NCS1: variants seen among roughly 807,000 people sequenced by gnomAD.
NCS1 encodes the protein frequenin homolog.
Under a neutral mutation model 28.4 loss-of-function variants are expected in NCS1, and 6 were observed. The ratio of observed to expected loss-of-function variants is 0.21; its 90% CI spans 0.12 to 0.42. The LOEUF (loss-of-function observed/expected upper bound fraction) is 0.42. NCS1 is among the 10% of genes least tolerant of loss of function. NCS1 has a pLI of 1.00. For missense variants in NCS1, 131 were observed against 241.4 expected, an observed-to-expected ratio of 0.54 and a Z score of 3.03; for synonymous variants, 86 against 99.3, an observed-to-expected ratio of 0.87 and a Z score of 0.79.
chr9:130,217,479 G>A (rs1208970349), intron 2 of NCS1, among the ~76,000 whole-genome samples: 2 of 152,224 alleles, frequency 1.3e-5, no homozygotes, highest in African/African-American at 4.8e-5. Context: ...GCAGGCATGC[G>A]GCTTTGGGGA....
At chr9:130,227,685 C>T (rs1379582183) in intron 7 of NCS1, among the ~76,000 whole-genome samples, 1 of 152,204 alleles carries the variant, frequency 6.6e-6, no homozygotes, top group Non-Finnish European at 1.5e-5. Context: ...AAGTGTATCA[C>T]CCATTTTAAT....
intron 2 of NCS1, among the ~76,000 whole-genome samples, chr9:130,203,871 C>T (rs536665601): frequency 6.6e-6 from 1 of 152,174 alleles, no homozygotes; most frequent in South Asian, 2.1e-4. Context: ...CTGAGTTCCC[C>T]CCGGCGTCCT....
At chr9:130,190,435 C>T (rs1434244053) in intron 1 of NCS1, among the ~76,000 whole-genome samples, 1 of 152,182 alleles carries the variant, frequency 6.6e-6, no homozygotes, top group East Asian at 1.9e-4. Context: ...GGTTTTATCG[C>T]CCTTAGTTTT....
intron 5 of NCS1, 62 bp from the exon 6 acceptor site, chr9:130,223,020 C>A: frequency 2.1e-6 from 3 of 1,435,140 alleles, no homozygotes; most frequent in Non-Finnish European, 2.9e-6. Flanking sequence ...GGGGCAAATG[C>A]GTGGCCAAGA....
Position 130,234,731 on chromosome 9 carries a change from G to T in NCS1, c.*1759G>T, listed in dbSNP as rs1346347194. 6.6e-6 allele frequency: 1 copy of T among 152,320 alleles called. No homozygotes were observed. Among genetic ancestry groups the T allele is most frequent in the Non-Finnish European group, 1.5e-5 (1 of 68,152 alleles). The allele number at this position is 152,320 out of a possible 1,614,324, so 9.4% of individuals were successfully genotyped here. Reference sequence around the variant, plus strand: ...CAGTTCCAGCAGATGAATGTGTCATGTGGCACACCTTGTCCCTTCCCGCAG... The same window carrying T: ...CAGTTCCAGCAGATGAATGTGTCATTTGGCACACCTTGTCCCTTCCCGCAG... On this transcript the variant is annotated 3_prime_UTR_variant, in exon 8 of 8. Transcript: ENST00000372398. This position sits in a 1 kb window ranked among gnomAD's most constrained non-coding sequence, Gnocchi z 6.1.
Position 130,234,920 on chromosome 9 carries a change from T to C in NCS1, c.*1948T>C, listed in dbSNP as rs1182210847. ...GCAGAGTCAACAGCCCATCAGCCCA[T>C]GTTTTAGAGGGGACACTTTGGTCCT... On this transcript the variant is annotated 3_prime_UTR_variant, in exon 8 of 8. Transcript: ENST00000372398. This position sits in a 1 kb window ranked among gnomAD's most constrained non-coding sequence, Gnocchi z 6.1. The C allele has an allele frequency of 6.6e-6, 1 of 152,266 alleles. No individual in the cohort carries two copies. The highest frequency in any genetic ancestry group is 1.9e-4 in the East Asian group (1 of 5,174). 9.4% of individuals were successfully genotyped at this position (152,266 alleles called of 1,614,324 possible). A position where few individuals can be genotyped will look rare whatever the true frequency, so the allele number is the denominator to read the frequency against.
intron 2 of NCS1, 141 bp from the exon 3 acceptor site, chr9:130,217,691 A>G: frequency 4.0e-6 from 5 of 1,245,524 alleles, no homozygotes; most frequent in South Asian, 3.6e-5. Flanking sequence ...GCCTGTGCCT[A>G]TCAAGTCCAT....
At chr9:130,206,045 G>A (rs1833020413) in intron 2 of NCS1, among the ~76,000 whole-genome samples, 1 of 152,126 alleles carries the variant, frequency 6.6e-6, no homozygotes, top group African/African-American at 2.4e-5. Flanking sequence ...TCCCCTCAGG[G>A]CGACGCTAGA....
chr9:130,222,805 G>A, intron 5 of NCS1, 67 bp downstream of exon 5: 1 of 1,505,316 alleles, frequency 6.6e-7, no homozygotes, highest in Non-Finnish European at 9.2e-7. Context: ...GAGAGACAGA[G>A]AGAGAGCACT....
chr9:130,216,908 T>A (rs1291063704), intron 2 of NCS1, among the ~76,000 whole-genome samples: 1 of 89,026 alleles, frequency 1.1e-5, no homozygotes, highest in African/African-American at 4.4e-5. Context: ...CGTGTCCTCC[T>A]GGGGGTGGGG....
chr9:130,202,909 G>T (rs540655906), intron 2 of NCS1, among the ~76,000 whole-genome samples: 1 of 152,016 alleles, frequency 6.6e-6, no homozygotes, highest in South Asian at 2.1e-4. Flanking sequence ...CAGTACTAGG[G>T]GTTAACAGAG....
intron 1 of NCS1, among the ~76,000 whole-genome samples, chr9:130,194,699 A>G (rs1262747179): frequency 6.6e-6 from 1 of 151,994 alleles, no homozygotes; most frequent in African/African-American, 2.4e-5. Context: ...ACAGGATGGC[A>G]CCCCAGAACT....
chr9:130,188,139 A>G (rs1002509695), intron 1 of NCS1, among the ~76,000 whole-genome samples: 1 of 152,160 alleles, frequency 6.6e-6, no homozygotes, highest in South Asian at 2.1e-4. Flanking sequence ...AGTAGTGGCA[A>G]TTGTTAACAT....
chr9:130,187,935 G>T (rs1290739128), intron 1 of NCS1, among the ~76,000 whole-genome samples: 1 of 152,192 alleles, frequency 6.6e-6, no homozygotes, highest in Non-Finnish European at 1.5e-5. Context: ...TGGGGTGGGG[G>T]TCCCTGGAGG....
intron 1 of NCS1, among the ~76,000 whole-genome samples, chr9:130,199,797 A>G (rs1256034227): frequency 2.0e-5 from 3 of 152,224 alleles, no homozygotes; most frequent in African/African-American, 7.2e-5. Flanking sequence ...AACAATTCAG[A>G]GACACCTCTT....
intron 7 of NCS1, among the ~76,000 whole-genome samples, chr9:130,228,835 A>G (rs1205383725): frequency 6.6e-6 from 1 of 151,200 alleles, no homozygotes; most frequent in African/African-American, 2.4e-5. Context: ...GCGCCTGGCT[A>G]ATTTTTCCAT....
chr9:130,222,090 ATGTGTG>A (rs1156814253), intron 4 of NCS1, among the ~76,000 whole-genome samples: 2 of 78,370 alleles, frequency 2.6e-5, no homozygotes, highest in African/African-American at 8.7e-5. Flanking sequence ...AAATATATAT[ATGTGTG>A]TGTGTATATA....
At chr9:130,200,521 C>G in intron 1 of NCS1, 1 of 1,535,138 alleles carries the variant, frequency 6.5e-7, no homozygotes, top group Admixed American at 2.0e-5. Context: ...TAGCTCCCCC[C>G]ACCCCCCCAC....
At chr9:130,182,092 C>G (rs1282443233) in intron 1 of NCS1, among the ~76,000 whole-genome samples, 1 of 151,936 alleles carries the variant, frequency 6.6e-6, no homozygotes, top group Non-Finnish European at 1.5e-5. Flanking sequence ...CACCGTTTAC[C>G]CAGTGGGCAC....
Sources: allele counts gnomAD v4.1 joint callset (sites outside exome capture counted in the v4.1 genomes callset), GRCh38; gene constraint gnomAD v4.1.1; non-coding constraint Gnocchi (gnomAD v3.1); transcripts MANE v1.5; gene names NCBI Gene and HGNC (gene_info 2026-07-23, HGNC 2026-07-21).